Variants in IQGAP1 observed in about 807,000 individuals in gnomAD.
IQGAP1 encodes ras GTPase-activating-like protein IQGAP1.
In IQGAP1, 66 loss-of-function variants were observed where a neutral mutation model predicts 215.6. That is an observed-to-expected ratio of 0.31 (90% CI 0.25 to 0.38). The LOEUF (loss-of-function observed/expected upper bound fraction) is 0.38. Ranked by LOEUF, IQGAP1 falls within the 10% of genes least tolerant of loss-of-function variation. The probability of loss-of-function intolerance (pLI) is 1.00; values close to 1 mark genes in which losing one functional copy is unlikely to be tolerated. For missense variants in IQGAP1, 1,712 were observed against 1,997.1 expected (o/e 0.86, Z 2.72); for synonymous variants, 772 against 728.7 (o/e 1.06, Z -0.96).
intron 15 of IQGAP1, among the ~76,000 whole-genome samples, chr15:90,465,637 A>G (rs1205877907): frequency 6.6e-6 from 1 of 151,678 alleles, no homozygotes; most frequent in African/African-American, 2.4e-5. Context: ...AGTAGCTGGG[A>G]CTATAGGCGT....
chr15:90,500,176 T>C lies in IQGAP1; in HGVS notation c.*68T>C. 1 of 862,820 alleles carries C rather than the reference T, an allele frequency of 1.2e-6. No individual in the cohort carries two copies. Among genetic ancestry groups the C allele is most frequent in the Non-Finnish European group, 1.9e-6 (1 of 517,112 alleles). The allele number at this position is 862,820 out of a possible 1,614,324, so 53.4% of individuals were successfully genotyped here. A position where few individuals can be genotyped will look rare whatever the true frequency, so the allele number is the denominator to read the frequency against. On this transcript the variant is annotated 3_prime_UTR_variant, in exon 38 of 38. Transcript: ENST00000268182. The stretch of plus-strand genomic sequence containing the variant: ...ACCTCACAGCTCCTTTCTAGGTCCT[T>C]CTTTCCTCATTGGAAGCAAAGACCT...
chr15:90,436,652 C>T (rs1271125342), intron 5 of IQGAP1, among the ~76,000 whole-genome samples: 1 of 152,130 alleles, frequency 6.6e-6, no homozygotes, highest in African/African-American at 2.4e-5. Context: ...ATTATAGTGC[C>T]TAACAGTATA....
chr15:90,405,764 G>A (rs1445955538), intron 2 of IQGAP1, among the ~76,000 whole-genome samples: 2 of 140,344 alleles, frequency 1.4e-5, no homozygotes, highest in Non-Finnish European at 1.5e-5. Context: ...TTTCTGGTTT[G>A]CGAACACTTT....
chr15:90,409,045 T>C (rs892300799), intron 2 of IQGAP1, among the ~76,000 whole-genome samples: 2 of 152,166 alleles, frequency 1.3e-5, no homozygotes, highest in African/African-American at 4.8e-5. Context: ...ATCTAGATCC[T>C]ATCCCTTCTT....
At chr15:90,496,984 G>T (rs16944527) in intron 36 of IQGAP1, 55,976 of 319,122 alleles carry the variant, frequency 0.18, 6,695 homozygotes, top group African/African-American at 0.41. Context: ...ACTCCTCAGT[G>T]GTTCCTCTTT....
intron 1 of IQGAP1, among the ~76,000 whole-genome samples, chr15:90,388,947 A>T (rs1964594469): frequency 6.7e-6 from 1 of 150,186 alleles, no homozygotes; most frequent in Non-Finnish European, 1.5e-5. Flanking sequence ...AGTAATAAAG[A>T]AAAAAAAAAG....
intron 2 of IQGAP1, among the ~76,000 whole-genome samples, chr15:90,416,465 T>C (rs895021442): frequency 6.6e-6 from 1 of 152,224 alleles, no homozygotes; most frequent in African/African-American, 2.4e-5. Context: ...TTCTAGATCC[T>C]TGAGGAACTG....
chr15:90,484,234 C>T lies in IQGAP1; in HGVS notation c.3803C>T (p.Thr1268Ile), dbSNP rs766323173. 1 of 1,613,660 alleles carries T rather than the reference C, an allele frequency of 6.2e-7. No individual in the cohort carries two copies. The highest frequency in any genetic ancestry group is 1.1e-5 in the South Asian group (1 of 90,936). Residue 1268 changes from threonine (T) to isoleucine (I), a missense_variant, in exon 30 of 38, where the codon ACT (threonine) becomes ATT (isoleucine). By Grantham distance (89) the Thr-to-Ile change is moderately conservative. Around this residue, in one of 2 missense-constraint regions of IQGAP1, gnomAD observed 691 missense variants for 923.0 expected, o/e 0.75. Coordinates refer to ENST00000268182, the MANE Select transcript of IQGAP1 (RefSeq NM_003870.4). ...GCTTATTTCAGACGGTTTTTCCAAA[C>T]TGCTTGTGATGTCCCAGAGCTTCAG... Reference protein sequence around the residue: ...SYQKFRRFFQTACDVPELQDK... With the variant: ...SYQKFRRFFQIACDVPELQDK...
rs550578572 is a variant in IQGAP1, at chr15:90,498,380, C to T, written c.4860+1040C>T. Among the ~76,000 whole-genome samples the T allele has an allele frequency of 5.9e-5, 9 of 151,512 alleles. No individual in the cohort carries two copies. In the South Asian group the frequency reaches 1.9e-3, roughly 32 times the overall value. On this transcript the variant is annotated intron_variant, in intron 37 of 37. Coordinates refer to ENST00000268182, the MANE Select transcript of IQGAP1 (RefSeq NM_003870.4). ...CCAAAAAAAAAAAAAGAATAGGAAC[C>T]TCTTATTCCCTCAGTTTCACCAAAT...
intron 13 of IQGAP1, 105 bp downstream of exon 13, chr15:90,453,397 G>T: frequency 7.2e-6 from 6 of 834,110 alleles, no homozygotes; most frequent in East Asian, 2.8e-5. Flanking sequence ...ACTTTATCAT[G>T]GTCATACTTT....
intron 2 of IQGAP1, among the ~76,000 whole-genome samples, chr15:90,402,862 C>T (rs1964822684): frequency 1.3e-5 from 2 of 152,102 alleles, no homozygotes; most frequent in South Asian, 4.1e-4. Flanking sequence ...GATATGCATG[C>T]AGTAGGCATT....
intron 2 of IQGAP1, among the ~76,000 whole-genome samples, chr15:90,411,071 T>C (rs1408111878): frequency 6.6e-6 from 1 of 152,114 alleles, no homozygotes; most frequent in Non-Finnish European, 1.5e-5. Flanking sequence ...GAACTGTGTA[T>C]TGAAGTATTG....
At chr15:90,452,702 A>G (rs931553659) in intron 11 of IQGAP1, 73 bp from the exon 12 acceptor site, 7 of 1,491,304 alleles carry the variant, frequency 4.7e-6, no homozygotes, top group East Asian at 2.3e-5. Context: ...TATTTTTCCC[A>G]TGAAGATTGG....
Position 90,474,709 on chromosome 15 carries a change from A to G in IQGAP1, c.2784+16A>G, listed in dbSNP as rs757440945. ...TACGTTGCAGGTATGGCCCAGTGCC[A>G]GCGGGGGCCTTGGAACGGTTCATCC... On this transcript the variant is annotated intron_variant, in intron 23 of 37. Transcript: ENST00000268182. The G allele has an allele frequency of 1.3e-6, 2 of 1,583,508 alleles. No individual in the cohort carries two copies. Among genetic ancestry groups the G allele is most frequent in the Non-Finnish European group, 1.7e-6 (2 of 1,152,566 alleles).
At chr15:90,467,671 C>T in intron 18 of IQGAP1, 79 bp downstream of exon 18, 6 of 1,419,982 alleles carry the variant, frequency 4.2e-6, no homozygotes, top group Non-Finnish European at 5.7e-6. Context: ...AGGAACAGGG[C>T]ATGTGGTCAG....
chr15:90,441,452 A>C (rs2151019339), intron 7 of IQGAP1, 54 bp from the exon 8 acceptor site: 3 of 1,449,892 alleles, frequency 2.1e-6, no homozygotes, highest in Middle Eastern at 3.6e-4. Flanking sequence ...TACATCCTGT[A>C]ATCTATATAA....
chr15:90,441,674 C>T lies in IQGAP1; in HGVS notation c.818C>T (p.Ala273Val). Residue 273 changes from alanine to valine, a missense_variant, in exon 8 of 38, where the codon GCT (alanine) becomes GTT (valine). This residue lies in a region of IQGAP1 where 1,021 missense variants were observed against 1,074.2 expected (regional missense o/e 0.95). Transcript: ENST00000268182. ...GCTAAGCAGGACAAAATGACAAATG[C>T]TAAAAACAGGGTAAAAATGCAACAT... ...YQAKQDKMTN[A>V]KNRTENSERE... The T allele has an allele frequency of 1.2e-6, 2 of 1,600,068 alleles. No individual in the cohort carries two copies. Among genetic ancestry groups the T allele is most frequent in the Non-Finnish European group, 1.7e-6 (2 of 1,172,782 alleles).
chr15:90,449,722 C>G, intron 11 of IQGAP1, 79 bp downstream of exon 11: 1 of 1,169,148 alleles, frequency 8.6e-7, no homozygotes, highest in South Asian at 1.4e-5. Flanking sequence ...CTTCTGTCAT[C>G]GTCATCACCC....
intron 2 of IQGAP1, among the ~76,000 whole-genome samples, chr15:90,423,461 G>A (rs868535816): frequency 1.2e-4 from 18 of 152,188 alleles, no homozygotes; most frequent in African/African-American, 4.1e-4. Context: ...TGGAACTCCT[G>A]ACCTCAAGTG....
Sources: gnomAD v4.1 joint callset for allele counts (sites outside exome capture counted in the v4.1 genomes callset) on GRCh38, gnomAD v4.1.1 for gene constraint, gnomAD v4.1.1 regional missense constraint, MANE v1.5 for transcripts, NCBI Gene and HGNC (gene_info 2026-07-23, HGNC 2026-07-21) for gene names.